Variants in PTP4A1 observed in about 807,000 individuals in gnomAD.
The protein encoded by PTP4A1 is protein tyrosine phosphatase 4A1, also known as protein tyrosine phosphatase type IVA 1.
Under a neutral mutation model 20.5 loss-of-function variants are expected in PTP4A1, and 9 were observed. That is an observed-to-expected ratio of 0.44 (90% confidence interval 0.26 to 0.77). The LOEUF (loss-of-function observed/expected upper bound fraction) is 0.77. PTP4A1 is among the 30% of genes least tolerant of loss of function. The pLI is 0.19. For missense variants in PTP4A1, 137 were observed against 218.8 expected, an observed-to-expected ratio of 0.63 and a Z score of 2.36; for synonymous variants, 78 against 67.4, an observed-to-expected ratio of 1.16 and a Z score of -0.77.
chr6:63,523,215 C>A (rs1028173959), intron 1 of PTP4A1, among the ~76,000 whole-genome samples: 2 of 152,018 alleles, frequency 1.3e-5, no homozygotes, highest in Non-Finnish European at 2.9e-5. Flanking sequence ...TCATCAAAAA[C>A]AACTATAAAG....
chr6:63,564,883 T>C lies in PTP4A1; in HGVS notation c.-445-11553T>C, dbSNP rs9341921. On this transcript the variant is annotated intron_variant, in intron 3 of 3. Transcript: ENST00000639568. ...CAAACTAGATTCCTCCAGGTACCAG[T>C]AGGCAAAACAGTCATGAGTTATGGA... Among the ~76,000 whole-genome samples the C allele has an allele frequency of 2.0e-5, 3 of 152,346 alleles. No homozygotes were observed. In the East Asian group the frequency reaches 5.8e-4, roughly 29 times the overall value.
Position 63,581,742 on chromosome 6 carries a change from G to A in PTP4A1, c.*1568G>A, listed in dbSNP as rs1778245854. 1 of 152,114 alleles carries A rather than the reference G, an allele frequency of 6.6e-6. No homozygotes were observed. Among genetic ancestry groups the A allele is most frequent in the South Asian group, 2.1e-4 (1 of 4,836 alleles). The allele number at this position is 152,114 out of a possible 1,614,324, so 9.4% of individuals were successfully genotyped here. A position where few individuals can be genotyped will look rare whatever the true frequency, so the allele number is the denominator to read the frequency against. On this transcript the variant is annotated 3_prime_UTR_variant, in exon 6 of 6. Coordinates refer to ENST00000626021, the MANE Select transcript of PTP4A1 (RefSeq NM_003463.5). ...GTAGAGGACAGCCTTGGTTTGTAAA[G>A]CTCAGTTCCACTAGTTCATGGTTTT...
At chr6:63,550,312 GC>G (rs1424355164) in exon 3 of PTP4A1, 1 of 152,126 alleles carries the variant, frequency 6.6e-6, no homozygotes, top group Non-Finnish European at 1.5e-5. Flanking sequence ...CAGTGTGCCC[GC>G]CCTCTCTTTC....
At chr6:63,520,822 G>T (rs185054292), upstream of PTP4A1, among the ~76,000 whole-genome samples, 95 of 152,142 alleles carry the variant, frequency 6.2e-4, no homozygotes, top group African/African-American at 2.2e-3. Context: ...GTGGTAAAGA[G>T]ATCATTTATT....
intron 3 of PTP4A1, chr6:63,550,533 A>G (rs1272461285): frequency 6.6e-6 from 1 of 152,210 alleles, no homozygotes; most frequent in African/African-American, 2.4e-5. Flanking sequence ...AAGGGCCTGT[A>G]AGAGCTCCTC....
chr6:63,538,479 C>T lies in PTP4A1; in HGVS notation c.-640+10395C>T, dbSNP rs140301948. On this transcript the variant is annotated intron_variant, in intron 2 of 3. Coordinates refer to the PTP4A1 transcript ENST00000639568. Reference sequence around the variant, plus strand: ...AAATTAGATTAGTTTAATTTGAATTCGAGACACTAAGTGATAAAGTTACAT... The same window carrying T: ...AAATTAGATTAGTTTAATTTGAATTTGAGACACTAAGTGATAAAGTTACAT... 4.8e-3 allele frequency among the ~76,000 whole-genome samples: 737 copies of T among 152,150 alleles called. 3 individuals are homozygous for T. Among genetic ancestry groups the T allele is most frequent in the African/African-American group, 0.017 (705 of 41,508 alleles).
chr6:63,540,279 A>G (rs1775902630), intron 2 of PTP4A1, among the ~76,000 whole-genome samples: 2 of 152,124 alleles, frequency 1.3e-5, no homozygotes, highest in Admixed American at 6.6e-5. Flanking sequence ...AATCATAGAT[A>G]GATCTTAAAA....
At chr6:63,558,046 AT>A (rs1053392149) in intron 3 of PTP4A1, among the ~76,000 whole-genome samples, 9 of 151,774 alleles carry the variant, frequency 5.9e-5, no homozygotes, top group Non-Finnish European at 1.3e-4. Flanking sequence ...TAATTTTTGT[AT>A]TTTTAGTAGA....
chr6:63,566,685 G>T (rs1005819839), intron 3 of PTP4A1, among the ~76,000 whole-genome samples: 1 of 152,200 alleles, frequency 6.6e-6, no homozygotes, highest in African/African-American at 2.4e-5. Context: ...TGATCAGGGA[G>T]GTAGTTGCTG....
At chr6:63,532,214 G>T (rs989064857) in intron 2 of PTP4A1, among the ~76,000 whole-genome samples, 1 of 152,210 alleles carries the variant, frequency 6.6e-6, no homozygotes, top group Non-Finnish European at 1.5e-5. Flanking sequence ...AATTGTTACT[G>T]AAATTTTGAA....
At chr6:63,516,555 T>C in the PTP4A1 span, among the ~76,000 whole-genome samples, 6 of 152,214 alleles carry the variant, frequency 3.9e-5, no homozygotes, top group African/African-American at 7.2e-5. Context: ...ATGACTCAAT[T>C]TTTCCATTTG....
At chr6:63,528,741 G>T (rs1197901) in intron 2 of PTP4A1, among the ~76,000 whole-genome samples, 11 of 151,304 alleles carry the variant, frequency 7.3e-5, no homozygotes, top group Admixed American at 2.6e-4. Context: ...CCAGCCTGGG[G>T]GACAGAGTGA....
intron 1 of PTP4A1, chr6:63,573,607 C>T (rs528059232): frequency 6.6e-6 from 1 of 152,330 alleles, no homozygotes; most frequent in Non-Finnish European, 1.5e-5. Flanking sequence ...GAGTGGGGTT[C>T]TGCTAGGTGA....
upstream of PTP4A1, among the ~76,000 whole-genome samples, chr6:63,568,136 C>A (rs1036336708): frequency 2.6e-5 from 4 of 152,230 alleles, no homozygotes; most frequent in African/African-American, 9.6e-5. Flanking sequence ...CCTGTGTTCA[C>A]TGGAGTGGCA....
intron 1 of PTP4A1, among the ~76,000 whole-genome samples, chr6:63,527,345 A>G (rs926703646): frequency 2.6e-5 from 4 of 152,212 alleles, no homozygotes; most frequent in Non-Finnish European, 5.9e-5. Flanking sequence ...AGATTCTCGT[A>G]TCACCACAGT....
chr6:63,576,398 T>C, intron 1 of PTP4A1, 38 bp from the exon 2 acceptor site: 1 of 399,738 alleles, frequency 2.5e-6, no homozygotes, highest in Non-Finnish European at 4.4e-6. Flanking sequence ...AATTGGAAAA[T>C]AACTTATTCT....
chr6:63,554,443 T>C (rs1400663747), intron 3 of PTP4A1, among the ~76,000 whole-genome samples: 1 of 152,150 alleles, frequency 6.6e-6, no homozygotes, highest in African/African-American at 2.4e-5. Context: ...CATTACAACC[T>C]TCCAGCCTGA....
At chr6:63,568,662 A>C (rs1395886864), upstream of PTP4A1, among the ~76,000 whole-genome samples, 1 of 152,180 alleles carries the variant, frequency 6.6e-6, no homozygotes, top group Non-Finnish European at 1.5e-5. Flanking sequence ...TTTTGTTAAA[A>C]AAAAAAAACA....
At chr6:63,553,370 A>G (rs1346949001) in intron 3 of PTP4A1, among the ~76,000 whole-genome samples, 41 of 152,176 alleles carry the variant, frequency 2.7e-4, no homozygotes, top group Admixed American at 2.7e-3. Context: ...AATGATTTTC[A>G]CACACAATTT....
Sources: gnomAD v4.1 joint callset for allele counts (sites outside exome capture counted in the v4.1 genomes callset) on GRCh38, gnomAD v4.1.1 for gene constraint, MANE v1.5 for transcripts, NCBI Gene and HGNC (gene_info 2026-07-23, HGNC 2026-07-21) for gene names.